The following PTGES2 variants were observed in gnomAD, a reference collection of about 807,000 sequenced individuals.
The protein encoded by PTGES2 is GATE-binding factor 1.
A neutral mutation model predicts 44.5 loss-of-function variants in PTGES2; 35 were observed. The observed-to-expected ratio is 0.79, with a 90% CI of 0.60 to 1.04. The LOEUF is 1.04. PTGES2 is among the 50% of genes least tolerant of loss of function. The probability of loss-of-function intolerance (pLI) is 0.00; values close to 1 mark genes in which losing one functional copy is unlikely to be tolerated. For synonymous variants in PTGES2, 221 were observed against 227.5 expected (o/e 0.97, Z 0.26); for missense variants, 517 against 521.4 (o/e 0.99, Z 0.08).
intron 2 of PTGES2, 115 bp from the exon 3 acceptor site, chr9:128,124,665 G>A (rs745547710): frequency 1.4e-4 from 182 of 1,302,494 alleles, no homozygotes; most frequent in East Asian, 1.3e-4. Context: ...GGACATGCCC[G>A]GAGTCCTCCC....
intron 2 of PTGES2, chr9:128,124,793 A>T: frequency 7.6e-7 from 1 of 1,308,514 alleles, no homozygotes; most frequent in Non-Finnish European, 9.8e-7. Context: ...TTGGCCTCCC[A>T]GGTAGAGGGG....
intron 1 of PTGES2, 101 bp from the exon 2 acceptor site, chr9:128,125,542 G>C (rs1330896345): frequency 1.3e-5 from 14 of 1,064,306 alleles, no homozygotes; most frequent in Non-Finnish European, 1.8e-5. Flanking sequence ...AATGACGCTA[G>C]AACATCGGGA....
chr9:128,124,386 A>T (rs1462023378), intron 3 of PTGES2, 106 bp downstream of exon 3: 1 of 1,009,640 alleles, frequency 9.9e-7, no homozygotes, highest in African/African-American at 1.6e-5. Context: ...GTACTCTGGA[A>T]ATCTAAGCAG....
At position 128,123,537 on chromosome 9, in the gene PTGES2, C is replaced by T. The variant is rs553482764; in HGVS notation, c.686+165G>A. ...CTGGGATTACAGGAGTGAGCCACCA[C>T]GCCCGGCTGCAGGAAGGTCTCTACT... On this transcript the variant is annotated intron_variant, in intron 4 of 6. Transcript: ENST00000338961. The surrounding 1 kb of genome is among the most constrained non-coding windows in gnomAD (Gnocchi z 4.4). 1.2e-4 allele frequency among the ~76,000 whole-genome samples: 19 copies of T among 152,196 alleles called. No homozygotes were observed. In the East Asian group the frequency reaches 3.5e-3, roughly 28 times the overall value.
intron 6 of PTGES2, 27 bp from the exon 7 acceptor site, chr9:128,121,300 C>T: frequency 6.3e-7 from 1 of 1,594,646 alleles, no homozygotes. Context: ...AACGTGTCAC[C>T]ATAGCTGGTT....
chr9:128,128,408 C>T (rs1025113849), upstream of PTGES2: 2 of 454,462 alleles, frequency 4.4e-6, no homozygotes, highest in African/African-American at 4.0e-5. Flanking sequence ...GGAGCCTCCA[C>T]CGCATAGGCG....
chr9:128,124,671 C>A lies in PTGES2; in HGVS notation c.478-121G>T. On this transcript the variant is annotated intron_variant, in intron 2 of 6. Transcript: ENST00000338961. ...CATTCCTGGGGACATGCCCGGAGTC[C>A]TCCCCGCCCTGCCCTCAGGGCACCC... 7 of 1,281,638 alleles carry A rather than the reference C, an allele frequency of 5.5e-6. No homozygotes were observed. In the South Asian group the frequency reaches 9.8e-5, roughly 18 times the overall value. The allele number at this position is 1,281,638 out of a possible 1,614,324, so 79.4% of individuals were successfully genotyped here. A position where few individuals can be genotyped will look rare whatever the true frequency, so the allele number is the denominator to read the frequency against.
Position 128,121,085 on chromosome 9 carries a change from G to T in PTGES2, c.*60C>A. On this transcript the variant is annotated 3_prime_UTR_variant, in exon 7 of 7. Coordinates refer to ENST00000338961, the MANE Select transcript of PTGES2 (RefSeq NM_025072.7). ...AGTATCGCCAGGCGCTGGCCCAGTG[G>T]CCCCAGGCCCTGGCAGCTGGCGTCT... 8 of 1,545,948 alleles carry T rather than the reference G, an allele frequency of 5.2e-6. No homozygotes were observed. The highest frequency in any genetic ancestry group is 5.2e-6 in the Non-Finnish European group (6 of 1,145,860).
At chr9:128,127,407 G>T (rs745372912) in intron 1 of PTGES2, 32 bp downstream of exon 1, 226 of 1,334,466 alleles carry the variant, frequency 1.7e-4, no homozygotes, top group Non-Finnish European at 2.1e-4. Context: ...GCGCTGATCA[G>T]CATCCCCATC....
chr9:128,125,190 C>A (rs1231102770), intron 2 of PTGES2, 54 bp downstream of exon 2: 2 of 1,509,054 alleles, frequency 1.3e-6, no homozygotes, highest in African/African-American at 1.4e-5. Flanking sequence ...CTAGGGGGCG[C>A]TCCAGGACAA....
Position 128,123,291 on chromosome 9 carries a change from G to C in PTGES2, c.687-157C>G, listed in dbSNP as rs1046034603. Among the ~76,000 whole-genome samples the C allele has an allele frequency of 1.3e-5, 2 of 151,836 alleles. No individual in the cohort carries two copies. Among genetic ancestry groups the C allele is most frequent in the Non-Finnish European group, 2.9e-5 (2 of 67,948 alleles). On this transcript the variant is annotated intron_variant, in intron 4 of 6. Transcript: ENST00000338961. The surrounding 1 kb of genome is among the most constrained non-coding windows in gnomAD (Gnocchi z 4.4). ...AGACAAAGTCTCGCTCTGTCACCCA[G>C]GCTGGAGTGCAATGGCACCATCTCA...
intron 6 of PTGES2, among the ~76,000 whole-genome samples, chr9:128,121,669 T>C (rs925508337): frequency 6.6e-5 from 10 of 152,068 alleles, no homozygotes; most frequent in African/African-American, 2.4e-4. Flanking sequence ...TCCCAGCACT[T>C]TGGGAGGCCA....
In PTGES2 at chr9:128,123,000, T is replaced by C; in HGVS notation, c.821A>G (p.Glu274Gly). 1.2e-6 allele frequency: 2 copies of C among 1,613,944 alleles called. No homozygotes were observed. Among genetic ancestry groups the C allele is most frequent in the Non-Finnish European group, 1.7e-6 (2 of 1,180,000 alleles). The change falls in exon 5 of 7, where the codon GAG (glutamate) becomes GGG (glycine). Residue 274 changes from glutamate to glycine, a missense_variant. By Grantham distance (98) the Glu-to-Gly change is moderately conservative (BLOSUM62 -2). Coordinates refer to ENST00000338961, the MANE Select transcript of PTGES2 (RefSeq NM_025072.7). Reference sequence around the variant, plus strand: ...ACCCATGTACTTGGCCACGGCACCCTCCACGGCTCCGAACTTGCCCTCGCG... The same window carrying C: ...ACCCATGTACTTGGCCACGGCACCCCCCACGGCTCCGAACTTGCCCTCGCG... The part of the protein sequence containing the change: ...IVREGKFGAV[E>G]GAVAKYMGAA...
intron 6 of PTGES2, among the ~76,000 whole-genome samples, chr9:128,121,789 T>C (rs1834419305): frequency 6.6e-6 from 1 of 152,120 alleles, no homozygotes; most frequent in Non-Finnish European, 1.5e-5. Context: ...GGCACAGGCC[T>C]GTAATCCCAG....
Position 128,123,088 on chromosome 9 carries a change from G to A in PTGES2, c.733C>T (p.Leu245=). The change falls in exon 5 of 7, where the codon CTG becomes TTG. Residue 245 remains leucine, a synonymous_variant. Coordinates refer to ENST00000338961, the MANE Select transcript of PTGES2 (RefSeq NM_025072.7). This position sits in a 1 kb window ranked among gnomAD's most constrained non-coding sequence, Gnocchi z 4.4. ...GTGCGGTACACATTGGGGGAGATCA[G>A]GTGCACCAGCCAGTCGTCCGCCCAC... The part of the protein sequence containing the change: ...RQWADDWLVH[L]ISPNVYRTPT... The A allele has an allele frequency of 6.2e-7, 1 of 1,612,264 alleles. No homozygotes were observed. Among genetic ancestry groups the A allele is most frequent in the Non-Finnish European group, 8.5e-7 (1 of 1,179,986 alleles).
In PTGES2 at chr9:128,123,076, T is replaced by C; in HGVS notation, c.745A>G (p.Asn249Asp). The change falls in exon 5 of 7, where the codon AAT (asparagine) becomes GAT (aspartate). Residue 249 changes from asparagine to aspartate, a missense_variant. Coordinates refer to ENST00000338961, the MANE Select transcript of PTGES2 (RefSeq NM_025072.7). The surrounding 1 kb of genome is among the most constrained non-coding windows in gnomAD (Gnocchi z 4.4). Reference protein sequence around the residue: ...DDWLVHLISPNVYRTPTEALA... With the variant: ...DDWLVHLISPDVYRTPTEALA... The stretch of plus-strand genomic sequence containing the variant: ...GCCTCGGTGGGCGTGCGGTACACAT[T>C]GGGGGAGATCAGGTGCACCAGCCAG... 6.2e-7 allele frequency: 1 copy of C among 1,612,200 alleles called. No homozygotes were observed. The highest frequency in any genetic ancestry group is 8.5e-7 in the Non-Finnish European group (1 of 1,179,874).
chr9:128,127,811 T>G, upstream of PTGES2: 2 of 1,155,770 alleles, frequency 1.7e-6, no homozygotes, highest in Non-Finnish European at 2.2e-6. Context: ...GCCCCGCGGG[T>G]TGGCCGGGGT....
Position 128,127,538 on chromosome 9 carries a change from T to C in PTGES2, c.180A>G (p.Gly60=), listed in dbSNP as rs2130859333. The change falls in exon 1 of 7, where the codon GGA becomes GGG. Residue 60 remains glycine, a synonymous_variant. Transcript: ENST00000338961. ...AARKGSPRLL[G]AAALALGGAL... ...CTCCCCCCAGGGCCAGCGCCGCAGCTCCCAGCAGCCGCGGGCTCCCCTTAC... is the reference window on the plus strand; with the variant it reads ...CTCCCCCCAGGGCCAGCGCCGCAGCCCCCAGCAGCCGCGGGCTCCCCTTAC... 7.7e-7 allele frequency: 1 copy of C among 1,295,798 alleles called. No individual in the cohort carries two copies. The highest frequency in any genetic ancestry group is 2.3e-5 in the South Asian group (1 of 42,694). The allele number at this position is 1,295,798 out of a possible 1,614,324, so 80.3% of individuals were successfully genotyped here.
At position 128,123,235 on chromosome 9, in the gene PTGES2, C is replaced by A; in HGVS notation, c.687-101G>T. The A allele has an allele frequency of 8.9e-7, 1 of 1,126,976 alleles. No individual in the cohort carries two copies. The highest frequency in any genetic ancestry group is 1.2e-6 in the Non-Finnish European group (1 of 806,340). The allele number at this position is 1,126,976 out of a possible 1,614,324, so 69.8% of individuals were successfully genotyped here. A position where few individuals can be genotyped will look rare whatever the true frequency, so the allele number is the denominator to read the frequency against. ...CCACTGCACGGGCGGGAAGCTGAAG[C>A]CTGAGCAGGAAGGTCTTTTTTTTTT... On this transcript the variant is annotated intron_variant, in intron 4 of 6. Coordinates refer to ENST00000338961, the MANE Select transcript of PTGES2 (RefSeq NM_025072.7). This position sits in a 1 kb window ranked among gnomAD's most constrained non-coding sequence, Gnocchi z 4.4.
Sources: allele counts gnomAD v4.1 joint callset (sites outside exome capture counted in the v4.1 genomes callset), GRCh38; gene constraint gnomAD v4.1.1; non-coding constraint Gnocchi (gnomAD v3.1); transcripts MANE v1.5; gene names NCBI Gene and HGNC (gene_info 2026-07-23, HGNC 2026-07-21).